The following PRKG2 variants were observed in gnomAD, a reference collection of about 807,000 sequenced individuals.
PRKG2 encodes the protein cGMP-dependent protein kinase 2.
In PRKG2, 33 loss-of-function variants were observed where a neutral mutation model predicts 97.2. That is an observed-to-expected ratio of 0.34 (90% confidence interval 0.26 to 0.45). The LOEUF (loss-of-function observed/expected upper bound fraction) is 0.45, where lower values mean the gene tolerates loss of function less well. Ranked by LOEUF, PRKG2 falls within the 20% of genes least tolerant of loss-of-function variation. PRKG2 has a pLI of 1.00. For synonymous variants in PRKG2, 330 were observed against 321.8 expected (o/e 1.03, Z -0.27); for missense variants, 638 against 900.0 (o/e 0.71, Z 3.73).
At chr4:81,170,389 G>T (rs1389814460) in intron 4 of PRKG2, among the ~76,000 whole-genome samples, 2 of 152,050 alleles carry the variant, frequency 1.3e-5, no homozygotes, top group East Asian at 3.9e-4. Context: ...GGCCAGAAGT[G>T]GTGGCTCTAA....
intron 6 of PRKG2, among the ~76,000 whole-genome samples, chr4:81,159,611 A>G (rs1749429678): frequency 6.6e-6 from 1 of 152,170 alleles, no homozygotes; most frequent in African/African-American, 2.4e-5. Context: ...ATTACTGTGT[A>G]TATACCCAAA....
chr4:81,206,297 A>T (rs1753645853), intron 1 of PRKG2, among the ~76,000 whole-genome samples: 1 of 152,176 alleles, frequency 6.6e-6, no homozygotes, highest in Admixed American at 6.5e-5. Flanking sequence ...CTCATCTTGA[A>T]CTGTAGCTCC....
chr4:81,140,951 T>C (rs1187489083), intron 11 of PRKG2, among the ~76,000 whole-genome samples: 1 of 152,134 alleles, frequency 6.6e-6, no homozygotes, highest in Non-Finnish European at 1.5e-5. Flanking sequence ...TGGGTGACAT[T>C]AAAAACTTTG....
intron 2 of PRKG2, among the ~76,000 whole-genome samples, chr4:81,190,741 GA>G (rs745579896): frequency 6.6e-6 from 1 of 151,224 alleles, no homozygotes; most frequent in Admixed American, 6.6e-5. Context: ...AAATCTACGA[GA>G]AAAAAAATAA....
intron 2 of PRKG2, among the ~76,000 whole-genome samples, chr4:81,202,854 T>C (rs887817542): frequency 6.6e-6 from 1 of 152,078 alleles, no homozygotes; most frequent in African/African-American, 2.4e-5. Flanking sequence ...TGAGCATAAG[T>C]CTTTGAACAA....
intron 17 of PRKG2, among the ~76,000 whole-genome samples, chr4:81,098,710 C>G (rs899341756): frequency 1.3e-5 from 2 of 152,120 alleles, no homozygotes; most frequent in Admixed American, 1.3e-4. Flanking sequence ...GAACACACAA[C>G]ATATATCGAT....
chr4:81,116,096 G>A (rs921540581), intron 14 of PRKG2, among the ~76,000 whole-genome samples: 8 of 152,076 alleles, frequency 5.3e-5, no homozygotes, highest in Non-Finnish European at 1.0e-4. Context: ...TAAATTGTGA[G>A]TCACAGGGGT....
rs1329276613 is a variant in PRKG2 at position 81,088,632 on chromosome 4, T to C, written c.*1076A>G. ...TCACTTTTCTGGTGGCTTGCCTGTC[T>C]TAACAATCTAAATTTATAAACACAT... On this transcript the variant is annotated 3_prime_UTR_variant, in exon 19 of 19. Coordinates refer to ENST00000264399, the MANE Select transcript of PRKG2 (RefSeq NM_006259.3). 1 of 152,182 alleles carries C rather than the reference T, an allele frequency of 6.6e-6. No homozygotes were observed. Among genetic ancestry groups the C allele is most frequent in the Non-Finnish European group, 1.5e-5 (1 of 68,034 alleles). 9.4% of individuals were successfully genotyped at this position (152,182 alleles called of 1,614,324 possible).
chr4:81,200,539 C>T (rs1330732185), intron 2 of PRKG2, among the ~76,000 whole-genome samples: 1 of 152,196 alleles, frequency 6.6e-6, no homozygotes, highest in Non-Finnish European at 1.5e-5. Context: ...CTGGTCTAAT[C>T]AAGGCCTTTC....
At chr4:81,109,077 C>T (rs1483446073) in intron 15 of PRKG2, among the ~76,000 whole-genome samples, 1 of 152,130 alleles carries the variant, frequency 6.6e-6, no homozygotes, top group Non-Finnish European at 1.5e-5. Context: ...TTCGTTGTGC[C>T]CAAGCCCTTA....
At chr4:81,106,596 A>T (rs1433193880) in intron 15 of PRKG2, among the ~76,000 whole-genome samples, 1 of 152,206 alleles carries the variant, frequency 6.6e-6, no homozygotes, top group South Asian at 2.1e-4. Context: ...AGGGGCAAGG[A>T]GCCCCAGTAA....
chr4:81,093,407 GCTT>G (rs1268790879), intron 17 of PRKG2, among the ~76,000 whole-genome samples: 2 of 121,656 alleles, frequency 1.6e-5, no homozygotes, highest in Non-Finnish European at 3.2e-5. Flanking sequence ...ACACACACAA[GCTT>G]CTTATCCTCC....
intron 14 of PRKG2, among the ~76,000 whole-genome samples, chr4:81,124,607 A>C (rs1745377655): frequency 6.6e-6 from 1 of 152,176 alleles, no homozygotes; most frequent in African/African-American, 2.4e-5. Context: ...CACCTGGAGA[A>C]GAATTAAGGC....
At chr4:81,141,075 A>G (rs889152626) in intron 11 of PRKG2, among the ~76,000 whole-genome samples, 6 of 152,056 alleles carry the variant, frequency 3.9e-5, no homozygotes, top group African/African-American at 1.4e-4. Context: ...CAGTGGTGCA[A>G]TCAGGGCTCA....
At chr4:81,192,334 G>A (rs951422695) in intron 2 of PRKG2, 2 of 152,180 alleles carry the variant, frequency 1.3e-5, no homozygotes, top group African/African-American at 4.8e-5. Flanking sequence ...AAGAGGGCAT[G>A]AGGGGCTTCC....
At chr4:81,136,306 A>T (rs1309772691) in intron 13 of PRKG2, among the ~76,000 whole-genome samples, 1 of 152,194 alleles carries the variant, frequency 6.6e-6, no homozygotes, top group Non-Finnish European at 1.5e-5. Flanking sequence ...AGAAGCATTT[A>T]AAAAATCGTT....
At chr4:81,183,576 C>A (rs1751606824) in intron 2 of PRKG2, among the ~76,000 whole-genome samples, 1 of 152,066 alleles carries the variant, frequency 6.6e-6, no homozygotes, top group African/African-American at 2.4e-5. Flanking sequence ...TTTGGACAGA[C>A]ACTGAGCTAG....
chr4:81,136,675 TTC>T lies in PRKG2; in HGVS notation c.1634+716_1634+717del, dbSNP rs147827055. ...TTCGAATCCTTCCTCTATCATCACA[TTC>T]TCTCTCTCTCCCCTCCTCGGAGCTC... On this transcript the variant is annotated intron_variant, in intron 13 of 18. Transcript: ENST00000264399. Among the ~76,000 whole-genome samples, 1,007 of 152,046 alleles carry T rather than the reference TTC, an allele frequency of 6.6e-3. 13 individuals are homozygous for T. The highest frequency in any genetic ancestry group is 0.023 in the African/African-American group (940 of 41,470).
At chr4:81,111,100 T>C (rs1743882567) in intron 14 of PRKG2, among the ~76,000 whole-genome samples, 1 of 152,062 alleles carries the variant, frequency 6.6e-6, no homozygotes, top group Non-Finnish European at 1.5e-5. Context: ...AATGGACTAA[T>C]GCTGAGAAGG....
Sources: allele counts gnomAD v4.1 joint callset (sites outside exome capture counted in the v4.1 genomes callset), GRCh38; gene constraint gnomAD v4.1.1; transcripts MANE v1.5; gene names NCBI Gene and HGNC (gene_info 2026-07-23, HGNC 2026-07-21).